The following SGCD variants were observed in gnomAD, a reference collection of about 807,000 sequenced individuals.
SGCD encodes sarcoglycan delta.
Under a neutral mutation model 36.6 loss-of-function variants are expected in SGCD, and 18 were observed. The ratio of observed to expected loss-of-function variants is 0.49; its 90% CI spans 0.34 to 0.73. The LOEUF (loss-of-function observed/expected upper bound fraction) is 0.73. Among genes scored for constraint, SGCD ranks in the 30% least tolerant of loss-of-function variants. The pLI is 0.01. For synonymous variants in SGCD, 133 were observed against 130.6 expected (o/e 1.02, Z -0.12); for missense variants, 387 against 346.7 (o/e 1.12, Z -0.92).
intron 1 of SGCD, among the ~76,000 whole-genome samples, chr5:155,880,188 G>A (rs904929350): frequency 6.6e-6 from 1 of 152,090 alleles, no homozygotes; most frequent in African/African-American, 2.4e-5. Flanking sequence ...TACCTTTAAA[G>A]TGAGAATAAG....
intron 3 of SGCD, among the ~76,000 whole-genome samples, chr5:156,456,665 A>T (rs1246166827): frequency 6.6e-6 from 1 of 152,212 alleles, no homozygotes; most frequent in Non-Finnish European, 1.5e-5. Flanking sequence ...AAGCTGGAAG[A>T]GCTGAGGAAA....
chr5:156,399,176 G>T lies in SGCD; in HGVS notation c.192+54499G>T, dbSNP rs537678933. 7.2e-5 allele frequency among the ~76,000 whole-genome samples: 11 copies of T among 152,262 alleles called. No homozygotes were observed. The South Asian group carries it at 2.3e-3, about 32-fold the overall frequency. On this transcript the variant is annotated intron_variant, in intron 3 of 8. Transcript: ENST00000337851. Reference sequence around the variant, plus strand: ...CCCTCAAAAGACAAATATTTGCTGGGAGACTACTTTGTGTTAGTAGTCTTC... The same window carrying T: ...CCCTCAAAAGACAAATATTTGCTGGTAGACTACTTTGTGTTAGTAGTCTTC...
chr5:155,916,488 T>C (rs539102300), intron 1 of SGCD, among the ~76,000 whole-genome samples: 11 of 152,246 alleles, frequency 7.2e-5, no homozygotes, highest in Admixed American at 6.5e-4. Context: ...GGTAGTCTTG[T>C]TTTTGGTGTT....
chr5:156,396,349 A>G (rs1177818033), intron 3 of SGCD, among the ~76,000 whole-genome samples: 1 of 152,240 alleles, frequency 6.6e-6, no homozygotes, highest in Non-Finnish European at 1.5e-5. Flanking sequence ...TGGAGCACAT[A>G]AACTTGTCAG....
At chr5:155,787,867 A>G in the SGCD span, among the ~76,000 whole-genome samples, 1 of 152,188 alleles carries the variant, frequency 6.6e-6, no homozygotes, top group Non-Finnish European at 1.5e-5. Context: ...CTCCAGGGAT[A>G]ATCATGCCCA....
At chr5:156,345,455 G>A (rs1768895777) in intron 3 of SGCD, among the ~76,000 whole-genome samples, 1 of 152,116 alleles carries the variant, frequency 6.6e-6, no homozygotes, top group Admixed American at 6.5e-5. Context: ...AGGAAATACT[G>A]GGCAGCAGTC....
intron 3 of SGCD, among the ~76,000 whole-genome samples, chr5:156,383,432 A>G (rs1444791749): frequency 1.3e-5 from 2 of 152,120 alleles, no homozygotes; most frequent in African/African-American, 4.8e-5. Context: ...CGAACCCAGT[A>G]GGCGGAGGTT....
chr5:156,449,094 TA>T (rs1753877558), intron 3 of SGCD, among the ~76,000 whole-genome samples: 1 of 152,102 alleles, frequency 6.6e-6, no homozygotes, highest in Non-Finnish European at 1.5e-5. Context: ...TGCTTTTCTA[TA>T]AGGGCTTTAT....
At chr5:156,343,468 C>T (rs912526282) in intron 2 of SGCD, among the ~76,000 whole-genome samples, 4 of 152,112 alleles carry the variant, frequency 2.6e-5, no homozygotes, top group Non-Finnish European at 5.9e-5. Flanking sequence ...GGCAAATCAT[C>T]CTTTGTAGTA....
At chr5:155,898,072 CA>C (rs552340293) in intron 1 of SGCD, among the ~76,000 whole-genome samples, 148 of 152,312 alleles carry the variant, frequency 9.7e-4, no homozygotes, top group African/African-American at 3.5e-3. Flanking sequence ...CTCGGAAATT[CA>C]ACTTCTTTTC....
the SGCD span, among the ~76,000 whole-genome samples, chr5:155,806,671 T>C: frequency 6.6e-6 from 1 of 152,132 alleles, no homozygotes; most frequent in Non-Finnish European, 1.5e-5. Context: ...GTAAGAAAAA[T>C]GTTAGTTATT....
intron 3 of SGCD, among the ~76,000 whole-genome samples, chr5:156,263,816 T>C (rs1417124949): frequency 6.6e-6 from 1 of 152,098 alleles, no homozygotes; most frequent in African/African-American, 2.4e-5. Flanking sequence ...TTGTGGCTTG[T>C]CAATTATCCC....
At chr5:155,961,303 A>T (rs1757785345) in intron 1 of SGCD, among the ~76,000 whole-genome samples, 1 of 152,058 alleles carries the variant, frequency 6.6e-6, no homozygotes, top group South Asian at 2.1e-4. Context: ...TTTTATTTTA[A>T]TTTTTGAGCA....
At chr5:155,728,268 G>C in the SGCD span, among the ~76,000 whole-genome samples, 4 of 152,000 alleles carry the variant, frequency 2.6e-5, no homozygotes, top group Admixed American at 6.5e-5. Flanking sequence ...CGCGGGAGGT[G>C]GCGGCCGCTG....
chr5:156,222,486 A>G (rs906578649), intron 3 of SGCD, among the ~76,000 whole-genome samples: 4 of 152,202 alleles, frequency 2.6e-5, no homozygotes, highest in Admixed American at 6.6e-5. Flanking sequence ...TACGGCGATT[A>G]TACTGTGTTT....
chr5:156,668,901 T>C (rs139013732), intron 7 of SGCD, among the ~76,000 whole-genome samples: 12 of 152,256 alleles, frequency 7.9e-5, no homozygotes, highest in African/African-American at 2.2e-4. Context: ...ATATTTTCAA[T>C]TGAGACTCTA....
chr5:155,879,090 A>T (rs1274940347), intron 1 of SGCD, among the ~76,000 whole-genome samples: 1 of 152,002 alleles, frequency 6.6e-6, no homozygotes, highest in Non-Finnish European at 1.5e-5. Context: ...AAAAAAAAAA[A>T]GTATTTGGAC....
intron 1 of SGCD, among the ~76,000 whole-genome samples, chr5:155,879,134 C>T (rs774696962): frequency 1.3e-4 from 19 of 151,982 alleles, no homozygotes; most frequent in South Asian, 6.2e-4. Context: ...AGTAATTGCC[C>T]GCTTGCCATG....
At chr5:156,011,525 C>T (rs778294415) in intron 1 of SGCD, among the ~76,000 whole-genome samples, 1 of 151,998 alleles carries the variant, frequency 6.6e-6, no homozygotes. Context: ...ACTGCAACTC[C>T]TGCCCCGCGG....
Sources: allele counts gnomAD v4.1 joint callset (sites outside exome capture counted in the v4.1 genomes callset), GRCh38; gene constraint gnomAD v4.1.1; transcripts MANE v1.5; gene names NCBI Gene and HGNC (gene_info 2026-07-23, HGNC 2026-07-21).